CEP112: variants seen among roughly 807,000 people sequenced by gnomAD.
CEP112 encodes the protein centrosomal protein of 112 kDa.
A neutral mutation model predicts 153.0 loss-of-function variants in CEP112; 127 were observed. The observed-to-expected ratio is 0.83, with a 90% CI of 0.72 to 0.96. The LOEUF is 0.96. CEP112 is among the 40% of genes least tolerant of loss of function. The pLI is 0.00. For synonymous variants in CEP112, 358 were observed against 374.4 expected (o/e 0.96, Z 0.51); for missense variants, 1,089 against 1,101.2 (o/e 0.99, Z 0.16).
At chr17:65,650,655 G>T (rs1037113215) in intron 24 of CEP112, among the ~76,000 whole-genome samples, 3 of 150,264 alleles carry the variant, frequency 2.0e-5, no homozygotes, top group African/African-American at 7.4e-5. Context: ...CAGCACTTTG[G>T]GAGGCCAAGG....
intron 21 of CEP112, among the ~76,000 whole-genome samples, chr17:65,781,986 A>G (rs2054023511): frequency 6.6e-6 from 1 of 152,216 alleles, no homozygotes; most frequent in Non-Finnish European, 1.5e-5. Context: ...CAATTGCAAC[A>G]GAAACAAAAA....
At chr17:65,747,072 AC>A (rs61705201) in intron 22 of CEP112, among the ~76,000 whole-genome samples, 23,521 of 150,704 alleles carry the variant, frequency 0.16, 3,809 homozygotes, top group African/African-American at 0.42. Flanking sequence ...TAAAAAAAAA[AC>A]AAAAACAGGA....
chr17:66,008,840 T>C (rs2064385408), intron 16 of CEP112, among the ~76,000 whole-genome samples: 1 of 149,730 alleles, frequency 6.7e-6, no homozygotes, highest in Non-Finnish European at 1.5e-5. Flanking sequence ...GGATTTTCTT[T>C]TTTAAGGCTG....
intron 19 of CEP112, among the ~76,000 whole-genome samples, chr17:65,910,021 G>A (rs1323855718): frequency 6.6e-6 from 1 of 152,118 alleles, no homozygotes; most frequent in Non-Finnish European, 1.5e-5. Flanking sequence ...AGGAAAGTAG[G>A]AAACTTGGAC....
At chr17:65,730,075 G>A (rs2050416171) in intron 23 of CEP112, among the ~76,000 whole-genome samples, 1 of 152,198 alleles carries the variant, frequency 6.6e-6, no homozygotes, top group Non-Finnish European at 1.5e-5. Context: ...ACATATTCGT[G>A]TATTCGCTCA....
chr17:65,978,965 T>C (rs1209514633), intron 17 of CEP112, among the ~76,000 whole-genome samples: 3 of 152,170 alleles, frequency 2.0e-5, no homozygotes, highest in Non-Finnish European at 4.4e-5. Flanking sequence ...CCCTCTCAAC[T>C]GGAAGCAAGG....
intron 20 of CEP112, among the ~76,000 whole-genome samples, chr17:65,891,326 T>C (rs924531967): frequency 3.9e-5 from 6 of 152,168 alleles, no homozygotes; most frequent in Admixed American, 6.5e-5. Flanking sequence ...TCAGTTCGCA[T>C]CTCTGGAATC....
At chr17:66,012,569 G>A (rs1185765484) in intron 16 of CEP112, among the ~76,000 whole-genome samples, 1 of 152,186 alleles carries the variant, frequency 6.6e-6, no homozygotes, top group African/African-American at 2.4e-5. Flanking sequence ...AATGTCTTCT[G>A]ATTTGTACGG....
chr17:65,980,260 C>T (rs2063181362), intron 17 of CEP112, among the ~76,000 whole-genome samples: 1 of 152,100 alleles, frequency 6.6e-6, no homozygotes, highest in Non-Finnish European at 1.5e-5. Flanking sequence ...TAATAAAAAA[C>T]TTGAGGATTC....
At chr17:65,959,434 A>G (rs1240439791) in intron 18 of CEP112, among the ~76,000 whole-genome samples, 1 of 152,186 alleles carries the variant, frequency 6.6e-6, no homozygotes, top group African/African-American at 2.4e-5. Context: ...TAGTCGCAGG[A>G]CAAGAACTCA....
chr17:66,024,996 C>T lies in CEP112; in HGVS notation c.1656+2505G>A, dbSNP rs139526530. Among the ~76,000 whole-genome samples, 386 of 152,212 alleles carry T rather than the reference C, an allele frequency of 2.5e-3. 4 individuals are homozygous for T. Among genetic ancestry groups the T allele is most frequent in the African/African-American group, 8.5e-3 (355 of 41,534 alleles). On this transcript the variant is annotated intron_variant, in intron 16 of 26. Coordinates refer to ENST00000535342, the MANE Select transcript of CEP112 (RefSeq NM_001199165.4). ...AGAAACACCACCACATAACTACAGCCAAATGATCTTTGACAAAGTCAACAA... is the reference window on the plus strand; with the variant it reads ...AGAAACACCACCACATAACTACAGCTAAATGATCTTTGACAAAGTCAACAA...
chr17:65,833,699 G>A (rs2057182370), intron 21 of CEP112, among the ~76,000 whole-genome samples: 1 of 152,126 alleles, frequency 6.6e-6, no homozygotes, highest in African/African-American at 2.4e-5. Context: ...AGTGCTTGAA[G>A]AAATGAGAGA....
At chr17:65,923,584 AT>A (rs1287756498) in intron 19 of CEP112, among the ~76,000 whole-genome samples, 1 of 152,176 alleles carries the variant, frequency 6.6e-6, no homozygotes, top group Non-Finnish European at 1.5e-5. Context: ...CCAAAATATT[AT>A]TCCATTTTAA....
chr17:66,133,227 G>A (rs2070280833), intron 4 of CEP112, among the ~76,000 whole-genome samples: 1 of 152,054 alleles, frequency 6.6e-6, no homozygotes, highest in Non-Finnish European at 1.5e-5. Context: ...TAAATCACCT[G>A]TATTTAAATC....
rs533653087 is a variant in CEP112, at chr17:66,192,130, T to G, written c.-142A>C. 2.0e-5 allele frequency: 3 copies of G among 152,892 alleles called. No homozygotes were observed. In the East Asian group the frequency reaches 5.8e-4, roughly 30 times the overall value. 9.5% of individuals were successfully genotyped at this position (152,892 alleles called of 1,614,324 possible). ...CGCCCAGCAGCCCGGGGGCGGGGAC[T>G]TTCGCGCTCGCATTTCCCCGCCCCC... On this transcript the variant is annotated 5_prime_UTR_variant, in exon 1 of 27. Coordinates refer to ENST00000535342, the MANE Select transcript of CEP112 (RefSeq NM_001199165.4).
intron 2 of CEP112, among the ~76,000 whole-genome samples, chr17:66,181,568 G>C (rs2072722914): frequency 6.6e-6 from 1 of 152,000 alleles, no homozygotes; most frequent in African/African-American, 2.4e-5. Context: ...TGTTAGCCAG[G>C]ATGGTCTTGA....
At chr17:65,991,654 T>C (rs541478428) in intron 17 of CEP112, among the ~76,000 whole-genome samples, 2 of 152,226 alleles carry the variant, frequency 1.3e-5, no homozygotes, top group South Asian at 4.1e-4. Context: ...ACAAAGGTGT[T>C]TTCACTTACA....
At chr17:65,744,255 G>A (rs2051308502) in intron 22 of CEP112, among the ~76,000 whole-genome samples, 1 of 151,652 alleles carries the variant, frequency 6.6e-6, no homozygotes, top group African/African-American at 2.4e-5. Flanking sequence ...TTGTTTGTTT[G>A]TTTGTTTGTT....
chr17:66,169,731 T>G (rs1051603381), intron 4 of CEP112, among the ~76,000 whole-genome samples: 1 of 152,224 alleles, frequency 6.6e-6, no homozygotes, highest in Non-Finnish European at 1.5e-5. Context: ...TTGAGGTTTT[T>G]ATAAACATGT....
Sources: allele counts gnomAD v4.1 joint callset (sites outside exome capture counted in the v4.1 genomes callset), GRCh38; gene constraint gnomAD v4.1.1; transcripts MANE v1.5; gene names NCBI Gene and HGNC (gene_info 2026-07-23, HGNC 2026-07-21).